SLC48A1: variants seen among roughly 807,000 people sequenced by gnomAD.
The protein encoded by SLC48A1 is solute carrier family 48 member 1.
In SLC48A1, 6 loss-of-function variants were observed where a neutral mutation model predicts 14.8. The ratio of observed to expected loss-of-function variants is 0.41; its 90% CI spans 0.22 to 0.80. SLC48A1 has a LOEUF of 0.80. SLC48A1 is among the 30% of genes least tolerant of loss of function. SLC48A1 has a pLI of 0.34. For synonymous variants in SLC48A1, 89 were observed against 90.0 expected (o/e 0.99, Z 0.06); for missense variants, 165 against 204.8 (o/e 0.81, Z 1.19).
At chr12:47,758,452 C>T, upstream of SLC48A1, 1 of 1,584,744 alleles carries the variant, frequency 6.3e-7, no homozygotes, top group Non-Finnish European at 8.6e-7. Flanking sequence ...CCTCCTCAGC[C>T]CTGACTAACC....
At chr12:47,768,812 G>T (rs765677107), upstream of SLC48A1, 3 of 152,186 alleles carry the variant, frequency 2.0e-5, no homozygotes, top group Admixed American at 6.5e-5. Context: ...AAGGATTGAT[G>T]GTTTAGACGG....
At chr12:47,770,929 T>G (rs559118896), upstream of SLC48A1, 1 of 456,316 alleles carries the variant, frequency 2.2e-6, no homozygotes, top group Non-Finnish European at 4.4e-6. Flanking sequence ...CCTGGAGTAC[T>G]GTCCATCCTG....
intron 2 of SLC48A1, among the ~76,000 whole-genome samples, chr12:47,779,509 A>G (rs1307688448): frequency 6.6e-6 from 1 of 152,222 alleles, no homozygotes; most frequent in East Asian, 1.9e-4. Flanking sequence ...GGAAATAACC[A>G]GAGGTCCTTC....
intron 1 of SLC48A1, chr12:47,760,137 G>T (rs1225411797): frequency 1.1e-6 from 1 of 896,788 alleles, no homozygotes; most frequent in Non-Finnish European, 1.3e-6. Flanking sequence ...TTACTAAAAT[G>T]CAGGCTCCGT....
chr12:47,754,233 A>C (rs557856370), upstream of SLC48A1, among the ~76,000 whole-genome samples: 3 of 152,380 alleles, frequency 2.0e-5, no homozygotes, highest in Admixed American at 6.5e-5. Flanking sequence ...CATTATGCCT[A>C]TTCCCATGTT....
chr12:47,764,806 C>T (rs371391410), intron 2 of SLC48A1, among the ~76,000 whole-genome samples: 3 of 152,226 alleles, frequency 2.0e-5, no homozygotes, highest in African/African-American at 7.2e-5. Context: ...AGACCAGGTG[C>T]GGTGGCTCAC....
upstream of SLC48A1, among the ~76,000 whole-genome samples, chr12:47,754,788 G>A: frequency 6.6e-6 from 1 of 152,164 alleles, no homozygotes; most frequent in Middle Eastern, 3.2e-3. Flanking sequence ...TCTCAGTTGG[G>A]AAGAAGCAGC....
At chr12:47,758,098 G>A, upstream of SLC48A1, 3 of 1,551,974 alleles carry the variant, frequency 1.9e-6, no homozygotes, top group South Asian at 1.2e-5. Flanking sequence ...GGGGAGGAAA[G>A]TGGACAGCCA....
intron 2 of SLC48A1, among the ~76,000 whole-genome samples, chr12:47,764,055 GC>G (rs1260746582): frequency 1.3e-5 from 2 of 152,190 alleles, no homozygotes; most frequent in African/African-American, 4.8e-5. Context: ...GAGGGAAGCA[GC>G]CTGCCTCCCG....
chr12:47,763,466 G>A (rs747030608), intron 2 of SLC48A1, among the ~76,000 whole-genome samples: 5 of 152,156 alleles, frequency 3.3e-5, no homozygotes, highest in African/African-American at 7.2e-5. Flanking sequence ...CCTAGGAGTC[G>A]ACCTTGCCTG....
chr12:47,771,820 C>G (rs187988363), upstream of SLC48A1, among the ~76,000 whole-genome samples: 1 of 152,048 alleles, frequency 6.6e-6, no homozygotes, highest in Non-Finnish European at 1.5e-5. Context: ...GTAATCCCAA[C>G]TTCTCGGGAG....
At chr12:47,770,609 A>G (rs1942608900), upstream of SLC48A1, among the ~76,000 whole-genome samples, 1 of 152,228 alleles carries the variant, frequency 6.6e-6, no homozygotes, top group African/African-American at 2.4e-5. Context: ...TGGTAATTAA[A>G]GCACTGTGGG....
chr12:47,780,142 C>T lies in SLC48A1; in HGVS notation c.305-3C>T. ...GTCACTGTCGGTACTTCTCTCCCTG[C>T]AGGCCTCACAGACCCCACCAGCTAC... On this transcript the variant is annotated splice_polypyrimidine_tract_variant and splice_region_variant and intron_variant, in intron 2 of 2. Coordinates refer to ENST00000442218, the MANE Select transcript of SLC48A1 (RefSeq NM_017842.3). The T allele has an allele frequency of 4.4e-6, 7 of 1,581,334 alleles. No individual in the cohort carries two copies. The highest frequency in any genetic ancestry group is 6.0e-6 in the Non-Finnish European group (7 of 1,161,704).
At chr12:47,761,317 C>A (rs11168231) in intron 2 of SLC48A1, among the ~76,000 whole-genome samples, 5 of 152,156 alleles carry the variant, frequency 3.3e-5, no homozygotes, top group Non-Finnish European at 7.3e-5. Context: ...CCCACTCCCC[C>A]ACCTATGTTC....
chr12:47,780,122 T>C, intron 2 of SLC48A1, 23 bp from the exon 3 acceptor site: 1 of 1,535,262 alleles, frequency 6.5e-7, no homozygotes, highest in Non-Finnish European at 8.8e-7. Context: ...CCAAAGTCAC[T>C]GTCGGTACTT....
chr12:47,772,928 AAATACGC>A (rs994377712), upstream of SLC48A1, among the ~76,000 whole-genome samples: 1 of 152,202 alleles, frequency 6.6e-6, no homozygotes, highest in African/African-American at 2.4e-5. Flanking sequence ...TTTTAAACGA[AAATACGC>A]ATCGTACTCA....
intron 1 of SLC48A1, chr12:47,758,726 A>G: frequency 8.5e-7 from 1 of 1,171,886 alleles, no homozygotes; most frequent in Non-Finnish European, 1.1e-6. Context: ...AGCAGGATGC[A>G]GGGCTCGGTG....
chr12:47,760,434 C>T (rs1942341775), intron 2 of SLC48A1: 3 of 984,314 alleles, frequency 3.0e-6, no homozygotes, highest in Non-Finnish European at 3.6e-6. Context: ...GGGATGGAGT[C>T]ATGAGTTTCG....
rs975636391 is a variant in SLC48A1 at position 47,777,950 on chromosome 12, G to C, written c.137-1078G>C. On this transcript the variant is annotated intron_variant, in intron 1 of 2. Coordinates refer to ENST00000442218, the MANE Select transcript of SLC48A1 (RefSeq NM_017842.3). The surrounding 1 kb of genome is among the most constrained non-coding windows in gnomAD (Gnocchi z 4.5). Reference sequence around the variant, plus strand: ...TTGGTAACTACTCTGAGTGGCATGTGTGCAGCTGCCTTTTGGAAAGGCCTC... The same window carrying C: ...TTGGTAACTACTCTGAGTGGCATGTCTGCAGCTGCCTTTTGGAAAGGCCTC... Among the ~76,000 whole-genome samples the C allele has an allele frequency of 3.3e-5, 5 of 152,084 alleles. No individual in the cohort carries two copies. Among genetic ancestry groups the C allele is most frequent in the Non-Finnish European group, 5.9e-5 (4 of 68,040 alleles).
Sources: gnomAD v4.1 joint callset for allele counts (sites outside exome capture counted in the v4.1 genomes callset) on GRCh38, gnomAD v4.1.1 for gene constraint, Gnocchi (gnomAD v3.1) non-coding constraint, MANE v1.5 for transcripts, NCBI Gene and HGNC (gene_info 2026-07-23, HGNC 2026-07-21) for gene names.